The following TLNRD1 variants were observed in gnomAD, a reference collection of about 807,000 sequenced individuals.
The protein encoded by TLNRD1 is talin rod domain containing 1, also known as talin rod domain-containing protein 1.
TLNRD1 carries 14 observed loss-of-function variants against 19.5 expected under a neutral mutation model. The ratio of observed to expected loss-of-function variants is 0.72; its 90% CI spans 0.47 to 1.12. The LOEUF (loss-of-function observed/expected upper bound fraction) is 1.12, where lower values mean the gene tolerates loss of function less well. Among genes scored for constraint, TLNRD1 ranks in the 50% most tolerant of loss-of-function variants. TLNRD1 has a pLI of 0.00. For missense variants in TLNRD1, 569 were observed against 531.9 expected (o/e 1.07, Z -0.69); for synonymous variants, 345 against 261.7 (o/e 1.32, Z -3.07).
Position 81,002,077 on chromosome 15 carries a change from C to A in TLNRD1, c.-195C>A. Reference sequence around the variant, plus strand: ...TTCCGCGTTCTCTCGCCCTCGGGCCCACCCCGCGCCGCCCGGGCTCCCGCC... The same window carrying A: ...TTCCGCGTTCTCTCGCCCTCGGGCCAACCCCGCGCCGCCCGGGCTCCCGCC... On this transcript the variant is annotated 5_prime_UTR_variant, in exon 1 of 1. Transcript: ENST00000267984. The A allele has an allele frequency of 2.1e-6, 1 of 480,910 alleles. No homozygotes were observed. Among genetic ancestry groups the A allele is most frequent in the Non-Finnish European group, 3.1e-6 (1 of 322,010 alleles). The allele number at this position is 480,910 out of a possible 1,614,324, so 29.8% of individuals were successfully genotyped here. A position where few individuals can be genotyped will look rare whatever the true frequency, so the allele number is the denominator to read the frequency against.
rs1455391393 is a variant in TLNRD1 at position 81,004,798 on chromosome 15, T to C, written c.*1438T>C. 2 of 167,094 alleles carry C rather than the reference T, an allele frequency of 1.2e-5. No individual in the cohort carries two copies. Among genetic ancestry groups the C allele is most frequent in the African/African-American group, 2.4e-5 (1 of 41,464 alleles). The allele number at this position is 167,094 out of a possible 1,614,324, so 10.4% of individuals were successfully genotyped here. A position where few individuals can be genotyped will look rare whatever the true frequency, so the allele number is the denominator to read the frequency against. ...TGAGTGGTGGTGGAGTGTATAGTTT[T>C]GTTGAACCTAGTTAAATTCTGAATA... On this transcript the variant is annotated 3_prime_UTR_variant, in exon 1 of 1. Transcript: ENST00000267984.
rs748700231 is a variant in TLNRD1 at position 81,003,034 on chromosome 15, G to A, written c.763G>A (p.Val255Met). The A allele has an allele frequency of 3.2e-6, 5 of 1,551,572 alleles. No homozygotes were observed. The South Asian group carries it at 4.7e-5, about 14-fold the overall frequency. The change falls in exon 1 of 1, where the codon GTG becomes ATG. Residue 255 changes from valine (V) to methionine (M), a missense_variant. Val to Met is a conservative substitution (Grantham distance 21, BLOSUM62 1). Transcript: ENST00000267984. ...SRCALFSGPL[V>M]QAVSALVGFA... ...CTGTGCGCTCTTCAGCGGGCCCCTG[G>A]TGCAGGCAGTGAGCGCCCTGGTAGG...
Position 81,002,816 on chromosome 15 carries a change from A to T in TLNRD1, c.545A>T (p.Glu182Val). ...LADMTPQLLL[E>V]VSQGLSRNLK... is the part of the protein sequence containing the mutation. Reference sequence around the variant, plus strand: ...GACATGACGCCGCAGCTGCTGCTGGAGGTGTCGCAGGGCCTGTCGCGCAAC... The same window carrying T: ...GACATGACGCCGCAGCTGCTGCTGGTGGTGTCGCAGGGCCTGTCGCGCAAC... Residue 182 changes from glutamate (E) to valine (V), a missense_variant, in exon 1 of 1, where the codon GAG becomes GTG. By Grantham distance (121) the Glu-to-Val change is moderately radical. Coordinates refer to ENST00000267984, the MANE Select transcript of TLNRD1 (RefSeq NM_022566.3). 2 of 1,580,862 alleles carry T rather than the reference A, an allele frequency of 1.3e-6. No homozygotes were observed. Among genetic ancestry groups the T allele is most frequent in the Non-Finnish European group, 8.5e-7 (1 of 1,170,746 alleles).
rs181912182 is a variant in TLNRD1 at position 81,003,331 on chromosome 15, C to T, written c.1060C>T (p.Pro354Ser). ...GGAGAGGTCTTCGCCCAGGACTTTA[C>T]CGCCAGTGAATTCCAATTCTGTGAA... Reference protein sequence around the residue: ...LRERSSPRTLPPVNSNSVN With the variant: ...LRERSSPRTLSPVNSNSVN Residue 354 changes from proline (P) to serine (S), a missense_variant, in exon 1 of 1, where the codon CCG becomes TCG. Pro to Ser is a moderately conservative substitution (Grantham distance 74, BLOSUM62 -1). Coordinates refer to ENST00000267984, the MANE Select transcript of TLNRD1 (RefSeq NM_022566.3). 11 of 1,602,056 alleles carry T rather than the reference C, an allele frequency of 6.9e-6. No homozygotes were observed. The highest frequency in any genetic ancestry group is 1.3e-5 in the African/African-American group (1 of 74,848).
Position 81,005,731 on chromosome 15 carries a change from T to TG in TLNRD1, c.*2373dup, listed in dbSNP as rs1307569743. On this transcript the variant is annotated 3_prime_UTR_variant, in exon 1 of 1. Coordinates refer to ENST00000267984, the MANE Select transcript of TLNRD1 (RefSeq NM_022566.3). Reference sequence around the variant, plus strand: ...TTGGTGTTTCTTTATGCTCTACGTTTGGTCATGTAACATGCATAATCTCTG... The same window carrying TG: ...TTGGTGTTTCTTTATGCTCTACGTTTGGGTCATGTAACATGCATAATCTCTG... 1 of 167,124 alleles carries TG rather than the reference T, an allele frequency of 6.0e-6. No individual in the cohort carries two copies. The highest frequency in any genetic ancestry group is 1.5e-5 in the Non-Finnish European group (1 of 68,124). 10.4% of individuals were successfully genotyped at this position (167,124 alleles called of 1,614,324 possible). A position where few individuals can be genotyped will look rare whatever the true frequency, so the allele number is the denominator to read the frequency against.
Position 81,002,344 on chromosome 15 carries a change from G to A in TLNRD1, c.73G>A (p.Ala25Thr), listed in dbSNP as rs1173371377. ...GGCTCCTGCGAGCGCCATCGGCGGG[G>A]CCAGCTCGCAGCCGCGGAAGAGGCT... ...SPAPASAIGGASSQPRKRLVS... is the reference protein window; with the variant it reads ...SPAPASAIGGTSSQPRKRLVS... The change falls in exon 1 of 1, where the codon GCC (alanine) becomes ACC (threonine). Residue 25 changes from alanine to threonine, a missense_variant. Ala to Thr is a moderately conservative substitution (Grantham distance 58). Coordinates refer to ENST00000267984, the MANE Select transcript of TLNRD1 (RefSeq NM_022566.3). The A allele has an allele frequency of 1.1e-5, 16 of 1,405,418 alleles. No homozygotes were observed. The highest frequency in any genetic ancestry group is 1.4e-5 in the Non-Finnish European group (15 of 1,074,088). The allele number at this position is 1,405,418 out of a possible 1,614,324, so 87.1% of individuals were successfully genotyped here.
In TLNRD1 at chr15:81,003,104, G is replaced by A. The variant is rs1466964034; in HGVS notation, c.833G>A (p.Ser278Asn). ...TTCCTGGGTCGCGCGGCAGCTGTGAGCGCCGAGGGCAAGGCGGTGCAGACC... is the reference window on the plus strand; with the variant it reads ...TTCCTGGGTCGCGCGGCAGCTGTGAACGCCGAGGGCAAGGCGGTGCAGACC... ...PQFLGRAAAVSAEGKAVQTAI... is the reference protein window; with the variant it reads ...PQFLGRAAAVNAEGKAVQTAI... Residue 278 changes from serine to asparagine, a missense_variant, in exon 1 of 1, where the codon AGC becomes AAC. Transcript: ENST00000267984. 3.9e-5 allele frequency: 61 copies of A among 1,556,840 alleles called. No individual in the cohort carries two copies. Among genetic ancestry groups the A allele is most frequent in the Non-Finnish European group, 5.2e-5 (60 of 1,154,450 alleles).
chr15:81,003,272 C>G lies in TLNRD1; in HGVS notation c.1001C>G (p.Ser334Cys). 1 of 1,610,992 alleles carries G rather than the reference C, an allele frequency of 6.2e-7. No homozygotes were observed. Among genetic ancestry groups the G allele is most frequent in the Non-Finnish European group, 8.5e-7 (1 of 1,179,190 alleles). ...CTGAGGAACTCGGCCTGCGCCGTGT[C>G]TGAAGGCTGCACCCTGCTATCTCAG... Reference protein sequence around the residue: ...ERLRNSACAVSEGCTLLSQAL... With the variant: ...ERLRNSACAVCEGCTLLSQAL... Residue 334 changes from serine to cysteine, a missense_variant, in exon 1 of 1, where the codon TCT (serine) becomes TGT (cysteine). By Grantham distance (112) the Ser-to-Cys change is moderately radical (BLOSUM62 -1). Transcript: ENST00000267984.
Position 81,002,207 on chromosome 15 carries a change from CAGTGGCCGCGGCAGCGGCGGTGGT to C in TLNRD1, c.-62_-39del. ...GTCGCGACGGCCGCCGGGGCGGCGG[CAGTGGCCGCGGCAGCGGCGGTGGT>C]AGCGGGCTCCCCAGCGGCATGCCAG... On this transcript the variant is annotated 5_prime_UTR_variant, in exon 1 of 1. Coordinates refer to ENST00000267984, the MANE Select transcript of TLNRD1 (RefSeq NM_022566.3). 8.2e-7 allele frequency: 1 copy of C among 1,213,790 alleles called. No individual in the cohort carries two copies. The allele number at this position is 1,213,790 out of a possible 1,614,324, so 75.2% of individuals were successfully genotyped here.
chr15:81,002,996 T>A lies in TLNRD1; in HGVS notation c.725T>A (p.Leu242Gln). 1 of 1,570,198 alleles carries A rather than the reference T, an allele frequency of 6.4e-7. No homozygotes were observed. The highest frequency in any genetic ancestry group is 8.6e-7 in the Non-Finnish European group (1 of 1,164,420). ...VREVKVAPSE[L>Q]ARSRCALFSG... ...GAGGTGAAGGTGGCGCCCAGTGAGC[T>A]GGCGCGCAGCCGCTGTGCGCTCTTC... is the stretch of plus-strand genomic sequence containing the variant. Residue 242 changes from leucine (L) to glutamine (Q), a missense_variant, in exon 1 of 1, where the codon CTG (leucine) becomes CAG (glutamine). Transcript: ENST00000267984.
chr15:81,004,016 AATT>A lies in TLNRD1; in HGVS notation c.*660_*662del, dbSNP rs537437099. ...TTATGTTTCTCAGATGGCTTTTTGC[AATT>A]ATTGTTGATTTTTCAATAATTGTAA... On this transcript the variant is annotated 3_prime_UTR_variant, in exon 1 of 1. Coordinates refer to ENST00000267984, the MANE Select transcript of TLNRD1 (RefSeq NM_022566.3). The A allele has an allele frequency of 4.2e-5, 7 of 166,980 alleles. No homozygotes were observed. The South Asian group carries it at 1.0e-3, about 25-fold the overall frequency. 10.3% of individuals were successfully genotyped at this position (166,980 alleles called of 1,614,324 possible). A position where few individuals can be genotyped will look rare whatever the true frequency, so the allele number is the denominator to read the frequency against.
In TLNRD1 at chr15:81,002,637, G is replaced by C; in HGVS notation, c.366G>C (p.Leu122=). 1 of 1,490,782 alleles carries C rather than the reference G, an allele frequency of 6.7e-7. No individual in the cohort carries two copies. Among genetic ancestry groups the C allele is most frequent in the Non-Finnish European group, 8.8e-7 (1 of 1,131,902 alleles). 92.3% of individuals were successfully genotyped at this position (1,490,782 alleles called of 1,614,324 possible). ...AGCTGGGCGACCTGGTGGTGTCGCTGACCGAGTGCTCGGCCCACGCGGCCT... is the reference window on the plus strand; with the variant it reads ...AGCTGGGCGACCTGGTGGTGTCGCTCACCGAGTGCTCGGCCCACGCGGCCT... The part of the protein sequence containing the change: ...LVELGDLVVS[L]TECSAHAAYL... Residue 122 remains leucine, a synonymous_variant, in exon 1 of 1, where the codon CTG becomes CTC. Coordinates refer to ENST00000267984, the MANE Select transcript of TLNRD1 (RefSeq NM_022566.3).
chr15:81,004,853 T>TTAA lies in TLNRD1; in HGVS notation c.*1495_*1496insATA, dbSNP rs1270363102. 3 of 167,098 alleles carry TTAA rather than the reference T, an allele frequency of 1.8e-5. No individual in the cohort carries two copies. The highest frequency in any genetic ancestry group is 2.9e-5 in the Non-Finnish European group (2 of 68,120). 10.4% of individuals were successfully genotyped at this position (167,098 alleles called of 1,614,324 possible). ...CCCACTAAAAGCACAACAAATCTAT[T>TTAA]TACAGTGCCTGAAGCCTGGGAGAGC... is the stretch of plus-strand genomic sequence containing the variant. On this transcript the variant is annotated 3_prime_UTR_variant, in exon 1 of 1. Transcript: ENST00000267984.
rs955535266 is a variant in TLNRD1, at chr15:81,003,025, G to C, written c.754G>C (p.Gly252Arg). 6.4e-7 allele frequency: 1 copy of C among 1,555,366 alleles called. No individual in the cohort carries two copies. The highest frequency in any genetic ancestry group is 1.9e-5 in the Admixed American group (1 of 53,250). ...LARSRCALFSGPLVQAVSALV... is the reference protein window; with the variant it reads ...LARSRCALFSRPLVQAVSALV... Reference sequence around the variant, plus strand: ...GCGCAGCCGCTGTGCGCTCTTCAGCGGGCCCCTGGTGCAGGCAGTGAGCGC... The same window carrying C: ...GCGCAGCCGCTGTGCGCTCTTCAGCCGGCCCCTGGTGCAGGCAGTGAGCGC... Residue 252 changes from glycine (G) to arginine (R), a missense_variant, in exon 1 of 1, where the codon GGG (glycine) becomes CGG (arginine). Physicochemically the swap from Gly to Arg is moderately radical, Grantham distance 125. Coordinates refer to ENST00000267984, the MANE Select transcript of TLNRD1 (RefSeq NM_022566.3).
chr15:81,003,149 T>G lies in TLNRD1; in HGVS notation c.878T>G (p.Met293Arg). 6.4e-7 allele frequency: 1 copy of G among 1,568,192 alleles called. No homozygotes were observed. The highest frequency in any genetic ancestry group is 1.2e-5 in the South Asian group (1 of 86,268). The change falls in exon 1 of 1, where the codon ATG (methionine) becomes AGG (arginine). Residue 293 changes from methionine (M) to arginine (R), a missense_variant. Transcript: ENST00000267984. Reference protein sequence around the residue: ...AVQTAILGGAMSVVSACVLLT... With the variant: ...AVQTAILGGARSVVSACVLLT... ...CAGACCGCCATCCTGGGCGGCGCCATGAGCGTGGTGTCGGCCTGCGTGCTC... is the reference window on the plus strand; with the variant it reads ...CAGACCGCCATCCTGGGCGGCGCCAGGAGCGTGGTGTCGGCCTGCGTGCTC...
In TLNRD1 at chr15:81,001,863, C is replaced by A; in HGVS notation, c.-409C>A. ...ACTCCCAGCTTCCCCGTCCCGCCCT[C>A]CCCGCTCCGAGGGCCGCGCCAGGCC... On this transcript the variant is annotated 5_prime_UTR_variant, in exon 1 of 1. Transcript: ENST00000267984. The A allele has an allele frequency of 6.4e-6, 1 of 155,548 alleles. No individual in the cohort carries two copies. Among genetic ancestry groups the A allele is most frequent in the Non-Finnish European group, 1.4e-5 (1 of 70,298 alleles). The allele number at this position is 155,548 out of a possible 1,614,324, so 9.6% of individuals were successfully genotyped here.
In TLNRD1 at chr15:81,003,147, C is replaced by T; in HGVS notation, c.876C>T (p.Ala292=). 6.4e-7 allele frequency: 1 copy of T among 1,567,700 alleles called. No individual in the cohort carries two copies. Among genetic ancestry groups the T allele is most frequent in the Non-Finnish European group, 8.6e-7 (1 of 1,156,402 alleles). ...TGCAGACCGCCATCCTGGGCGGCGC[C>T]ATGAGCGTGGTGTCGGCCTGCGTGC... is the stretch of plus-strand genomic sequence containing the variant. ...KAVQTAILGG[A]MSVVSACVLL... The change falls in exon 1 of 1, where the codon GCC becomes GCT. Residue 292 remains alanine, a synonymous_variant. Transcript: ENST00000267984.
rs752022115 is a variant in TLNRD1 at position 81,002,751 on chromosome 15, G to A, written c.480G>A (p.Val160=). 2.6e-6 allele frequency: 4 copies of A among 1,538,266 alleles called. No individual in the cohort carries two copies. The highest frequency in any genetic ancestry group is 1.4e-5 in the African/African-American group (1 of 73,220). ...GCGTGACGCGATGCCGCCACGAGGT[G>A]GAGCAGGGTTGCGCCGTGCTGCGCG... is the stretch of plus-strand genomic sequence containing the variant. ...RYRVTRCRHE[V]EQGCAVLRAT... The change falls in exon 1 of 1, where the codon GTG becomes GTA. Residue 160 remains valine, a synonymous_variant. Coordinates refer to ENST00000267984, the MANE Select transcript of TLNRD1 (RefSeq NM_022566.3).
Position 81,003,388 on chromosome 15 carries a change from C to A in TLNRD1, c.*28C>A. 2 of 1,553,708 alleles carry A rather than the reference C, an allele frequency of 1.3e-6. No homozygotes were observed. The highest frequency in any genetic ancestry group is 8.7e-7 in the Non-Finnish European group (1 of 1,144,022). Reference sequence around the variant, plus strand: ...CCCCACCCCCATACCCCTTCTTCCACCCCCAGACTAAAGGAAGATACTTAC... The same window carrying A: ...CCCCACCCCCATACCCCTTCTTCCAACCCCAGACTAAAGGAAGATACTTAC... On this transcript the variant is annotated 3_prime_UTR_variant, in exon 1 of 1. Transcript: ENST00000267984.
Sources: gnomAD v4.1 joint callset for allele counts on GRCh38, gnomAD v4.1.1 for gene constraint, MANE v1.5 for transcripts, NCBI Gene and HGNC (gene_info 2026-07-23, HGNC 2026-07-21) for gene names.